Variants in POU6F2 observed in about 807,000 individuals in gnomAD.
POU6F2 encodes POU class 6 homeobox 2, also known as POU domain, class 6, transcription factor 2.
A neutral mutation model predicts 71.3 loss-of-function variants in POU6F2; 31 were observed. The observed-to-expected ratio is 0.43, with a 90% CI of 0.33 to 0.59. The LOEUF (loss-of-function observed/expected upper bound fraction) is 0.59. Ranked by LOEUF, POU6F2 falls within the 20% of genes least tolerant of loss-of-function variation. POU6F2 has a pLI of 0.04. For missense variants in POU6F2, 783 were observed against 856.8 expected (o/e 0.91, Z 1.07); for synonymous variants, 347 against 355.7 (o/e 0.98, Z 0.27).
At chr7:39,386,929 T>C (rs1042588077) in intron 5 of POU6F2, among the ~76,000 whole-genome samples, 4 of 152,206 alleles carry the variant, frequency 2.6e-5, no homozygotes, top group African/African-American at 7.2e-5. Context: ...CCCCCTTGCA[T>C]TGGGCTCATG....
chr7:39,365,152 T>C (rs1259260934), intron 5 of POU6F2, among the ~76,000 whole-genome samples: 4 of 152,196 alleles, frequency 2.6e-5, no homozygotes, highest in Non-Finnish European at 5.9e-5. Context: ...AAGGCCATCG[T>C]TGCCAAAACA....
At chr7:39,059,348 C>T (rs1395120266) in intron 1 of POU6F2, among the ~76,000 whole-genome samples, 1 of 151,684 alleles carries the variant, frequency 6.6e-6, no homozygotes, top group African/African-American at 2.4e-5. Flanking sequence ...AGAAAAGAAT[C>T]AAGGGGAAAG....
intron 5 of POU6F2, among the ~76,000 whole-genome samples, chr7:39,395,725 G>T (rs1027187304): frequency 4.6e-5 from 7 of 152,112 alleles, no homozygotes; most frequent in African/African-American, 9.7e-5. Context: ...TCTTTTTTCT[G>T]CACTCAATAG....
At chr7:39,038,787 C>T (rs905980979) in intron 1 of POU6F2, among the ~76,000 whole-genome samples, 6 of 151,784 alleles carry the variant, frequency 4.0e-5, no homozygotes, top group Non-Finnish European at 8.8e-5. Context: ...GTGTAGAATA[C>T]GTCCCATTGG....
chr7:39,198,788 T>G (rs1793835060), intron 2 of POU6F2, among the ~76,000 whole-genome samples: 2 of 152,186 alleles, frequency 1.3e-5, no homozygotes, highest in Admixed American at 1.3e-4. Flanking sequence ...TGGCAGTAGC[T>G]CAGCAGAGAT....
chr7:39,280,090 C>G (rs963937954), intron 4 of POU6F2, among the ~76,000 whole-genome samples: 2 of 151,926 alleles, frequency 1.3e-5, no homozygotes, highest in Non-Finnish European at 2.9e-5. Flanking sequence ...TAGGTAAGGA[C>G]CCCCTCATGA....
At chr7:39,357,473 G>T (rs550010995) in intron 5 of POU6F2, among the ~76,000 whole-genome samples, 1 of 152,070 alleles carries the variant, frequency 6.6e-6, no homozygotes, top group South Asian at 2.1e-4. Context: ...TTTGAGCCCC[G>T]GTCTGACCCC....
chr7:39,428,083 C>T (rs1788015830), intron 6 of POU6F2, among the ~76,000 whole-genome samples: 1 of 152,234 alleles, frequency 6.6e-6, no homozygotes, highest in Non-Finnish European at 1.5e-5. Flanking sequence ...TTTGCTACAA[C>T]TGCAAGCTAA....
chr7:39,152,126 G>A (rs1257214616), intron 2 of POU6F2, among the ~76,000 whole-genome samples: 1 of 152,096 alleles, frequency 6.6e-6, no homozygotes, highest in Non-Finnish European at 1.5e-5. Flanking sequence ...GTAGGGCTTT[G>A]TCTGAAACTG....
At chr7:39,012,116 T>C (rs1181693557) in intron 1 of POU6F2, among the ~76,000 whole-genome samples, 1 of 151,102 alleles carries the variant, frequency 6.6e-6, no homozygotes, top group Non-Finnish European at 1.5e-5. Flanking sequence ...TCCTGCAGAG[T>C]GTTTTCCAAC....
chr7:39,270,003 T>C (rs996105061), intron 4 of POU6F2, among the ~76,000 whole-genome samples: 1 of 152,222 alleles, frequency 6.6e-6, no homozygotes, highest in Non-Finnish European at 1.5e-5. Flanking sequence ...AGTAGTATAG[T>C]TAAAACAAAA....
intron 1 of POU6F2, among the ~76,000 whole-genome samples, chr7:39,075,702 G>T (rs1272841821): frequency 1.3e-5 from 2 of 152,214 alleles, no homozygotes; most frequent in African/African-American, 4.8e-5. Flanking sequence ...GCTGGCAGTG[G>T]CCAGCTTCCC....
chr7:39,152,675 G>A (rs905086821), intron 2 of POU6F2, among the ~76,000 whole-genome samples: 1 of 152,102 alleles, frequency 6.6e-6, no homozygotes, highest in Non-Finnish European at 1.5e-5. Context: ...CCATTAGATC[G>A]TGAAGCCTCT....
chr7:39,101,040 A>G (rs537004764), intron 2 of POU6F2, among the ~76,000 whole-genome samples: 14 of 148,168 alleles, frequency 9.4e-5, no homozygotes, highest in South Asian at 4.3e-4. Flanking sequence ...AGATCTTCCA[A>G]TTTTTCATAT....
At chr7:39,165,424 T>A (rs1793093830) in intron 2 of POU6F2, among the ~76,000 whole-genome samples, 1 of 152,218 alleles carries the variant, frequency 6.6e-6, no homozygotes, top group African/African-American at 2.4e-5. Flanking sequence ...CCCTAGAGAT[T>A]CTGAAGCCAA....
At chr7:39,371,261 C>T (rs1455659817) in intron 5 of POU6F2, among the ~76,000 whole-genome samples, 2 of 151,666 alleles carry the variant, frequency 1.3e-5, no homozygotes, top group African/African-American at 4.8e-5. Flanking sequence ...CTCACTGCAA[C>T]CTCCGCCTCC....
chr7:39,078,933 A>G (rs1455108039), intron 1 of POU6F2, among the ~76,000 whole-genome samples: 1 of 152,136 alleles, frequency 6.6e-6, no homozygotes, highest in East Asian at 1.9e-4. Flanking sequence ...ATAAAAAATA[A>G]AGGGAGGATC....
At chr7:39,454,641 G>A (rs1351830122) in intron 8 of POU6F2, among the ~76,000 whole-genome samples, 4 of 92,072 alleles carry the variant, frequency 4.3e-5, no homozygotes, top group Non-Finnish European at 4.3e-5. Context: ...CAGGAACCAA[G>A]GATGAAGACC....
intron 4 of POU6F2, among the ~76,000 whole-genome samples, chr7:39,326,519 A>G (rs1224419860): frequency 1.3e-5 from 2 of 152,264 alleles, no homozygotes; most frequent in Non-Finnish European, 2.9e-5. Context: ...TTATCCAAAC[A>G]TCAATTAAGC....
Sources: gnomAD v4.1 joint callset for allele counts (sites outside exome capture counted in the v4.1 genomes callset) on GRCh38, gnomAD v4.1.1 for gene constraint, MANE v1.5 for transcripts, NCBI Gene and HGNC (gene_info 2026-07-23, HGNC 2026-07-21) for gene names.